PPP1R9A: variants seen among roughly 807,000 people sequenced by gnomAD.
The protein encoded by PPP1R9A is neurabin-1.
In PPP1R9A, 59 loss-of-function variants were observed where a neutral mutation model predicts 141.9. The ratio of observed to expected loss-of-function variants is 0.42; its 90% CI spans 0.34 to 0.52. The LOEUF is 0.52. Among genes scored for constraint, PPP1R9A ranks in the 20% least tolerant of loss-of-function variants. The pLI is 0.10. For synonymous variants in PPP1R9A, 500 were observed against 569.7 expected (o/e 0.88, Z 1.74); for missense variants, 1,444 against 1,611.9 (o/e 0.90, Z 1.78).
intron 5 of PPP1R9A, among the ~76,000 whole-genome samples, chr7:95,179,198 G>A (rs1833348711): frequency 6.6e-6 from 1 of 152,138 alleles, no homozygotes; most frequent in Non-Finnish European, 1.5e-5. Flanking sequence ...TTTCATACTA[G>A]GGATGCAGGG....
chr7:94,997,972 T>G (rs1163033759), intron 2 of PPP1R9A, among the ~76,000 whole-genome samples: 1 of 152,178 alleles, frequency 6.6e-6, no homozygotes, highest in African/African-American at 2.4e-5. Flanking sequence ...GTCTCAATGT[T>G]TGAAAAAAAA....
At chr7:94,908,227 TG>T (rs1791011578) in intron 1 of PPP1R9A, 2 of 16,514 alleles carry the variant, frequency 1.2e-4, no homozygotes, top group East Asian at 3.7e-3. Context: ...AGTTGCAGGC[TG>T]GGGGTGGGGG....
At chr7:95,183,635 G>A (rs1182041117) in intron 5 of PPP1R9A, among the ~76,000 whole-genome samples, 1 of 151,332 alleles carries the variant, frequency 6.6e-6, no homozygotes, top group East Asian at 1.9e-4. Flanking sequence ...TTTTAGTAGA[G>A]ACGGGGTTTC....
At chr7:95,185,205 G>T in intron 5 of PPP1R9A, among the ~76,000 whole-genome samples, 1 of 151,258 alleles carries the variant, frequency 6.6e-6, no homozygotes. Flanking sequence ...TATGTTTTTT[G>T]TCTTTTAATT....
chr7:95,282,340 G>T (rs1804417852), intron 16 of PPP1R9A, among the ~76,000 whole-genome samples: 1 of 152,052 alleles, frequency 6.6e-6, no homozygotes, highest in African/African-American at 2.4e-5. Flanking sequence ...TCAAAAAAAA[G>T]AAAACAGAAG....
chr7:95,223,284 A>G (rs1794703198), intron 7 of PPP1R9A, among the ~76,000 whole-genome samples: 1 of 152,120 alleles, frequency 6.6e-6, no homozygotes, highest in Admixed American at 6.6e-5. Flanking sequence ...AGAACGCTTA[A>G]CAACGTATGT....
intron 4 of PPP1R9A, among the ~76,000 whole-genome samples, chr7:95,153,293 T>C (rs1045771926): frequency 6.6e-6 from 1 of 152,188 alleles, no homozygotes; most frequent in African/African-American, 2.4e-5. Flanking sequence ...ATTCAAGATC[T>C]TGAAGTTAAG....
At chr7:95,103,580 G>A (rs1439524608) in intron 2 of PPP1R9A, among the ~76,000 whole-genome samples, 1 of 152,006 alleles carries the variant, frequency 6.6e-6, no homozygotes, top group East Asian at 1.9e-4. Context: ...GTGTTAGCCA[G>A]GTTGGTCTAG....
chr7:95,030,098 C>T (rs1807451654), intron 2 of PPP1R9A, among the ~76,000 whole-genome samples: 1 of 152,140 alleles, frequency 6.6e-6, no homozygotes, highest in Non-Finnish European at 1.5e-5. Flanking sequence ...TTAAGTTTCT[C>T]TAGGGTACTT....
At chr7:94,915,376 T>A (rs1791947278) in intron 2 of PPP1R9A, among the ~76,000 whole-genome samples, 1 of 152,204 alleles carries the variant, frequency 6.6e-6, no homozygotes, top group South Asian at 2.1e-4. Context: ...GGAGGCTTCC[T>A]TTATAACAGT....
Position 94,910,977 on chromosome 7 carries a change from T to G in PPP1R9A, c.864T>G (p.Ser288=). Residue 288 remains serine (S), a synonymous_variant, in exon 2 of 20, where the codon TCT becomes TCG. Transcript: ENST00000433360. This position sits in a 1 kb window ranked among gnomAD's most constrained non-coding sequence, Gnocchi z 4.5. ...CAGAAGTGGCTTCTAAAAGTACCTC[T>G]CTAGCTTCGATACCTGGTGAAGAGA... ...PVPEVASKST[S]LASIPGEEIQ... is the part of the protein sequence containing the mutation. The G allele has an allele frequency of 6.2e-7, 1 of 1,614,148 alleles. No homozygotes were observed. Among genetic ancestry groups the G allele is most frequent in the Non-Finnish European group, 8.5e-7 (1 of 1,180,026 alleles).
At chr7:95,215,967 T>C (rs1793308907) in intron 7 of PPP1R9A, among the ~76,000 whole-genome samples, 1 of 152,218 alleles carries the variant, frequency 6.6e-6, no homozygotes, top group Non-Finnish European at 1.5e-5. Flanking sequence ...GAAGAAGCCC[T>C]TTAATTTAAT....
intron 4 of PPP1R9A, among the ~76,000 whole-genome samples, chr7:95,132,104 G>A (rs745754013): frequency 6.6e-6 from 1 of 152,098 alleles, no homozygotes; most frequent in African/African-American, 2.4e-5. Context: ...AGTCTTTAGG[G>A]CTTTCTAGGT....
intron 2 of PPP1R9A, among the ~76,000 whole-genome samples, chr7:94,988,758 AT>A (rs1271699188): frequency 1.3e-5 from 2 of 152,110 alleles, no homozygotes; most frequent in Non-Finnish European, 2.9e-5. Flanking sequence ...CAGCTTTAGA[AT>A]AGATGTAATA....
chr7:94,935,408 C>T (rs1156511380), intron 2 of PPP1R9A, among the ~76,000 whole-genome samples: 2 of 152,130 alleles, frequency 1.3e-5, no homozygotes, highest in Non-Finnish European at 2.9e-5. Context: ...AAAAATGGTT[C>T]TGTGGTTGAA....
In PPP1R9A at chr7:94,984,529, G is replaced by A. The variant is rs1369016442; in HGVS notation, c.1395+73021G>A. Among the ~76,000 whole-genome samples the A allele has an allele frequency of 2.6e-5, 4 of 152,214 alleles. No homozygotes were observed. In the East Asian group the frequency reaches 5.8e-4, roughly 22 times the overall value. On this transcript the variant is annotated intron_variant, in intron 2 of 19. Coordinates refer to ENST00000433360, the MANE Select transcript of PPP1R9A (RefSeq NM_001166160.2). The stretch of plus-strand genomic sequence containing the variant: ...TCAGAGCCTGTTATTGGTCTATTCA[G>A]AGATTCAGCTTCTTCCTTGTTTAGT...
chr7:95,006,288 G>T (rs1040191728), intron 2 of PPP1R9A, among the ~76,000 whole-genome samples: 1 of 151,780 alleles, frequency 6.6e-6, no homozygotes, highest in Admixed American at 6.6e-5. Flanking sequence ...CACAATCTCC[G>T]CTCACTATAA....
intron 2 of PPP1R9A, among the ~76,000 whole-genome samples, chr7:95,051,281 G>C (rs1206152477): frequency 6.6e-6 from 1 of 151,890 alleles, no homozygotes; most frequent in East Asian, 1.9e-4. Context: ...TTTTGTCAAA[G>C]ATCAGTCAAG....
In PPP1R9A at chr7:94,975,882, G is replaced by A. The variant is rs549260612; in HGVS notation, c.1395+64374G>A. The stretch of plus-strand genomic sequence containing the variant: ...TAACCCCTTCCTCTCAATTATAAAG[G>A]TACAATTTCAGGTTATTCATTCCCC... On this transcript the variant is annotated intron_variant, in intron 2 of 19. Transcript: ENST00000433360. Among the ~76,000 whole-genome samples, 9 of 152,172 alleles carry A rather than the reference G, an allele frequency of 5.9e-5. No individual in the cohort carries two copies. In the East Asian group the frequency reaches 1.5e-3, roughly 26 times the overall value.
Sources: allele counts gnomAD v4.1 joint callset (sites outside exome capture counted in the v4.1 genomes callset), GRCh38; gene constraint gnomAD v4.1.1; non-coding constraint Gnocchi (gnomAD v3.1); transcripts MANE v1.5; gene names NCBI Gene and HGNC (gene_info 2026-07-23, HGNC 2026-07-21).